Variants in GRM5 observed in about 807,000 individuals in gnomAD.
GRM5 encodes metabotropic glutamate receptor 5.
In GRM5, 19 loss-of-function variants were observed where a neutral mutation model predicts 83.1. The ratio of observed to expected loss-of-function variants is 0.23; its 90% CI spans 0.16 to 0.34. The LOEUF is 0.34. Ranked by LOEUF, GRM5 falls within the 10% of genes least tolerant of loss-of-function variation. The pLI is 1.00. For synonymous variants in GRM5, 675 were observed against 633.6 expected, an observed-to-expected ratio of 1.07 and a Z score of -0.98; for missense variants, 1,160 against 1,588.3, an observed-to-expected ratio of 0.73 and a Z score of 4.58.
intron 3 of GRM5, among the ~76,000 whole-genome samples, chr11:88,700,369 G>A (rs1941002417): frequency 6.6e-6 from 1 of 152,046 alleles, no homozygotes; most frequent in African/African-American, 2.4e-5. Context: ...GTAGCTATGG[G>A]TGATACATGG....
At chr11:88,899,949 C>A (rs1445004918) in intron 2 of GRM5, among the ~76,000 whole-genome samples, 1 of 152,034 alleles carries the variant, frequency 6.6e-6, no homozygotes, top group East Asian at 1.9e-4. Context: ...ATCCTCCCAA[C>A]TTCATTTAAT....
chr11:88,597,935 AGTTCCTTG>A (rs1937862641), intron 5 of GRM5, among the ~76,000 whole-genome samples: 1 of 152,128 alleles, frequency 6.6e-6, no homozygotes, highest in African/African-American at 2.4e-5. Context: ...GGAAGAGAGT[AGTTCCTTG>A]TGAGTTCTCA....
chr11:88,966,973 C>T (rs1472919612), intron 2 of GRM5, among the ~76,000 whole-genome samples: 3 of 152,020 alleles, frequency 2.0e-5, no homozygotes, highest in African/African-American at 7.2e-5. Context: ...CTAGCTGTGG[C>T]CATGCAGCTA....
chr11:88,590,852 G>C (rs1937627945), intron 6 of GRM5, 125 bp from the exon 7 acceptor site: 1 of 561,516 alleles, frequency 1.8e-6, no homozygotes, highest in Non-Finnish European at 3.1e-6. Context: ...AATGTTTTCA[G>C]ATAAGCAGTA....
At chr11:88,775,205 T>C (rs1942821483) in intron 3 of GRM5, among the ~76,000 whole-genome samples, 2 of 152,230 alleles carry the variant, frequency 1.3e-5, no homozygotes, top group African/African-American at 4.8e-5. Context: ...CCATTTCTTC[T>C]AGATTTTCTA....
At chr11:89,004,312 TG>T (rs918272649) in intron 2 of GRM5, among the ~76,000 whole-genome samples, 2 of 152,176 alleles carry the variant, frequency 1.3e-5, no homozygotes, top group Non-Finnish European at 2.9e-5. Context: ...ATGATTTTAT[TG>T]GGGGTAGATT....
At position 88,967,874 on chromosome 11, in the gene GRM5, C is replaced by T. The variant is rs1369060174; in HGVS notation, c.661+79338G>A. 2.0e-5 allele frequency among the ~76,000 whole-genome samples: 3 copies of T among 152,008 alleles called. No individual in the cohort carries two copies. In the East Asian group the frequency reaches 5.8e-4, roughly 29 times the overall value. On this transcript the variant is annotated intron_variant, in intron 2 of 9. Coordinates refer to ENST00000305447, the MANE Select transcript of GRM5 (RefSeq NM_001143831.3). ...AAGACAGACCAAGAGGAAGGAAATA[C>T]CTAACCTACCAAGGTCATCCATTGG...
chr11:88,719,282 C>G (rs776927356), intron 3 of GRM5, among the ~76,000 whole-genome samples: 2 of 151,890 alleles, frequency 1.3e-5, no homozygotes, highest in East Asian at 3.9e-4. Flanking sequence ...GTATTCTCAT[C>G]GTTTAGCTCC....
intron 3 of GRM5, among the ~76,000 whole-genome samples, chr11:88,755,634 C>T (rs143726352): frequency 6.6e-6 from 1 of 152,218 alleles, no homozygotes; most frequent in East Asian, 1.9e-4. Context: ...TGTAGTATGC[C>T]TAAGCAGTTT....
chr11:88,903,801 A>G (rs1336421378), intron 2 of GRM5, among the ~76,000 whole-genome samples: 3 of 152,224 alleles, frequency 2.0e-5, no homozygotes, highest in Non-Finnish European at 2.9e-5. Context: ...GGTACAACGT[A>G]CATTATTTGG....
chr11:88,757,409 G>A (rs933328851), intron 3 of GRM5, among the ~76,000 whole-genome samples: 2 of 152,114 alleles, frequency 1.3e-5, no homozygotes, highest in African/African-American at 4.8e-5. Flanking sequence ...ATTGCAGTTG[G>A]AGCCTTTGTG....
At chr11:88,974,616 T>C (rs1939275109) in intron 2 of GRM5, among the ~76,000 whole-genome samples, 1 of 152,160 alleles carries the variant, frequency 6.6e-6, no homozygotes, top group Admixed American at 6.6e-5. Context: ...CATTTCAGAA[T>C]ACCTTAACAC....
intron 3 of GRM5, among the ~76,000 whole-genome samples, chr11:88,711,321 G>T (rs1239949930): frequency 1.3e-5 from 2 of 152,008 alleles, no homozygotes; most frequent in Non-Finnish European, 2.9e-5. Flanking sequence ...GAATTCTACC[G>T]CAGCCAAAGG....
chr11:88,851,858 G>A (rs931504425), intron 2 of GRM5, among the ~76,000 whole-genome samples: 1 of 152,182 alleles, frequency 6.6e-6, no homozygotes, highest in African/African-American at 2.4e-5. Flanking sequence ...AGAAGCCTCT[G>A]TCATGATGGC....
chr11:88,912,226 T>C (rs533905270), intron 2 of GRM5: 1 of 187,724 alleles, frequency 5.3e-6, no homozygotes, highest in Non-Finnish European at 1.2e-5. Flanking sequence ...TTTTTAAAAA[T>C]GTACATACTT....
At chr11:88,621,870 A>G (rs16914329) in intron 4 of GRM5, among the ~76,000 whole-genome samples, 25,631 of 152,168 alleles carry the variant, frequency 0.17, 2,862 homozygotes, top group African/African-American at 0.29. Flanking sequence ...AAAGAATTGA[A>G]CCAGAAAATG....
chr11:88,923,161 A>G (rs1429482741), intron 2 of GRM5, among the ~76,000 whole-genome samples: 3 of 152,154 alleles, frequency 2.0e-5, no homozygotes, highest in Admixed American at 6.6e-5. Flanking sequence ...TCAGAAAACT[A>G]CAAGTAAAAC....
chr11:88,994,861 T>C (rs1940127342), intron 2 of GRM5, among the ~76,000 whole-genome samples: 1 of 152,128 alleles, frequency 6.6e-6, no homozygotes, highest in South Asian at 2.1e-4. Flanking sequence ...TTAGTTATCT[T>C]AATTGTTTTA....
At chr11:88,964,310 C>T (rs1938878504) in intron 2 of GRM5, among the ~76,000 whole-genome samples, 1 of 151,654 alleles carries the variant, frequency 6.6e-6, no homozygotes, top group African/African-American at 2.4e-5. Flanking sequence ...TTAGATGACT[C>T]AAAAGATAGC....
Sources: allele counts gnomAD v4.1 joint callset (sites outside exome capture counted in the v4.1 genomes callset), GRCh38; gene constraint gnomAD v4.1.1; transcripts MANE v1.5; gene names NCBI Gene and HGNC (gene_info 2026-07-23, HGNC 2026-07-21).